NAV2: variants seen among roughly 807,000 people sequenced by gnomAD.
The protein encoded by NAV2 is neuron navigator 2.
Under a neutral mutation model 223.2 loss-of-function variants are expected in NAV2, and 54 were observed. That is an observed-to-expected ratio of 0.24 (90% CI 0.19 to 0.30). The LOEUF (loss-of-function observed/expected upper bound fraction) is 0.30, where lower values mean the gene tolerates loss of function less well. NAV2 is among the 10% of genes least tolerant of loss of function. The pLI is 1.00. For missense variants in NAV2, 2,806 were observed against 3,147.5 expected, an observed-to-expected ratio of 0.89 and a Z score of 2.60; for synonymous variants, 1,279 against 1,239.3, an observed-to-expected ratio of 1.03 and a Z score of -0.67.
intron 12 of NAV2, among the ~76,000 whole-genome samples, chr11:20,037,716 CCAAA>C (rs987206134): frequency 1.3e-5 from 2 of 152,198 alleles, no homozygotes; most frequent in Admixed American, 6.5e-5. Flanking sequence ...TGTACAAAAA[CCAAA>C]CAAACAAAAC....
At position 19,555,453 on chromosome 11, in the gene NAV2, G is replaced by T. The variant is rs552708953; in HGVS notation, c.75+204426G>T. 7.2e-5 allele frequency among the ~76,000 whole-genome samples: 11 copies of T among 152,204 alleles called. No homozygotes were observed. In the South Asian group the frequency reaches 8.3e-4, roughly 11 times the overall value. On this transcript the variant is annotated intron_variant, in intron 1 of 37. Transcript: ENST00000360655. Reference sequence around the variant, plus strand: ...AGCCAACACTCCCAGACCTGGGGGGGGCTCTGGGCAGCTCACCACAGCATC... The same window carrying T: ...AGCCAACACTCCCAGACCTGGGGGGTGCTCTGGGCAGCTCACCACAGCATC...
chr11:19,910,151 A>G (rs1443507591), intron 6 of NAV2, among the ~76,000 whole-genome samples: 1 of 152,230 alleles, frequency 6.6e-6, no homozygotes, highest in Non-Finnish European at 1.5e-5. Context: ...GTTCAGAGTG[A>G]TTAAATAACG....
intron 1 of NAV2, among the ~76,000 whole-genome samples, chr11:19,767,661 C>A (rs2055339619): frequency 6.6e-6 from 1 of 152,202 alleles, no homozygotes; most frequent in African/African-American, 2.4e-5. Flanking sequence ...CTCACATGGT[C>A]CCCACAGCAA....
Position 19,934,201 on chromosome 11 carries a change from G to A in NAV2, c.1957G>A (p.Val653Ile), listed in dbSNP as rs141668055. The change falls in exon 7 of 38, where the codon GTC (valine) becomes ATC (isoleucine). Residue 653 changes from valine (V) to isoleucine (I), a missense_variant. By Grantham distance (29) the Val-to-Ile change is conservative. Coordinates refer to ENST00000349880, the MANE Select transcript of NAV2 (RefSeq NM_145117.5). ...GTTQTTGSNT[V>I]SVQLPQPQQQ... ...CACCCAGACCACAGGAAGCAATACC[G>A]TCAGTGTTCAGCTACCTCAGCCCCA... is the stretch of plus-strand genomic sequence containing the variant. 2.1e-4 allele frequency: 338 copies of A among 1,613,556 alleles called. No homozygotes were observed. Among genetic ancestry groups the A allele is most frequent in the Non-Finnish European group, 2.5e-4 (296 of 1,179,888 alleles).
At chr11:20,098,671 A>T (rs2061438077) in intron 31 of NAV2, among the ~76,000 whole-genome samples, 1 of 152,252 alleles carries the variant, frequency 6.6e-6, no homozygotes, top group South Asian at 2.1e-4. Context: ...GCAGGTGGCA[A>T]GTGGTACATA....
chr11:19,821,926 C>T (rs182749235), intron 1 of NAV2, among the ~76,000 whole-genome samples: 2 of 152,250 alleles, frequency 1.3e-5, no homozygotes, highest in East Asian at 3.9e-4. Context: ...TCATTAGGAG[C>T]CAGTTATTGC....
At chr11:20,082,175 A>G (rs963068412) in intron 25 of NAV2, among the ~76,000 whole-genome samples, 3 of 152,206 alleles carry the variant, frequency 2.0e-5, no homozygotes, top group Non-Finnish European at 4.4e-5. Flanking sequence ...TTAAGGAGCT[A>G]TACAGCCATC....
intron 5 of NAV2, among the ~76,000 whole-genome samples, chr11:19,890,685 G>C (rs938841127): frequency 6.6e-6 from 1 of 152,230 alleles, no homozygotes; most frequent in African/African-American, 2.4e-5. Flanking sequence ...TCCATTGGAT[G>C]TGAGTAATCA....
At chr11:19,914,500 C>T (rs544455609) in intron 6 of NAV2, among the ~76,000 whole-genome samples, 5 of 151,942 alleles carry the variant, frequency 3.3e-5, no homozygotes, top group Non-Finnish European at 5.9e-5. Context: ...TATACGATTG[C>T]AATACAAACC....
At chr11:19,878,203 T>C (rs2062976989) in intron 4 of NAV2, among the ~76,000 whole-genome samples, 1 of 152,212 alleles carries the variant, frequency 6.6e-6, no homozygotes, top group Non-Finnish European at 1.5e-5. Flanking sequence ...CTGGCTTTCA[T>C]TCTCAGAAGC....
At chr11:20,054,059 G>A in intron 17 of NAV2, 21 bp from the exon 18 acceptor site, 2 of 1,609,820 alleles carry the variant, frequency 1.2e-6, no homozygotes, top group East Asian at 2.2e-5. Context: ...GTTAATTCCG[G>A]CTTGATTTCT....
At chr11:20,097,895 G>T in intron 31 of NAV2, 150 bp downstream of exon 31, 1 of 666,442 alleles carries the variant, frequency 1.5e-6, no homozygotes, top group Non-Finnish European at 2.4e-6. Flanking sequence ...TATGCAAGTT[G>T]AACCGTCTTT....
chr11:19,738,290 G>A (rs2052501427), intron 1 of NAV2, among the ~76,000 whole-genome samples: 1 of 152,190 alleles, frequency 6.6e-6, no homozygotes, highest in Non-Finnish European at 1.5e-5. Flanking sequence ...CATGGCAACA[G>A]CCCAGGCAGG....
intron 1 of NAV2, among the ~76,000 whole-genome samples, chr11:19,722,157 G>C (rs575257505): frequency 6.6e-6 from 1 of 152,160 alleles, no homozygotes; most frequent in Non-Finnish European, 1.5e-5. Context: ...TTCTGGTATA[G>C]TGTGAAAACT....
At chr11:19,418,439 T>A in intron 1 of NAV2, among the ~76,000 whole-genome samples, 1 of 152,222 alleles carries the variant, frequency 6.6e-6, no homozygotes, top group Non-Finnish European at 1.5e-5. Flanking sequence ...CACCTTGGGC[T>A]TGGATGAGTG....
intron 1 of NAV2, among the ~76,000 whole-genome samples, chr11:19,777,029 G>A (rs1245510718): frequency 6.6e-5 from 10 of 151,962 alleles, no homozygotes; most frequent in Admixed American, 3.9e-4. Flanking sequence ...GCCCACTGAA[G>A]CGCCGGGTGC....
intron 6 of NAV2, among the ~76,000 whole-genome samples, chr11:19,897,317 G>T (rs896111521): frequency 6.6e-6 from 1 of 152,134 alleles, no homozygotes; most frequent in East Asian, 1.9e-4. Flanking sequence ...CACCAACATG[G>T]CACGGGTATA....
chr11:20,039,052 C>T (rs1387237502), intron 12 of NAV2, among the ~76,000 whole-genome samples: 1 of 152,162 alleles, frequency 6.6e-6, no homozygotes, highest in Non-Finnish European at 1.5e-5. Flanking sequence ...CTCCTGTGCC[C>T]ACTGTTTCCT....
At chr11:19,884,715 G>T (rs748303283) in intron 5 of NAV2, among the ~76,000 whole-genome samples, 8 of 152,142 alleles carry the variant, frequency 5.3e-5, no homozygotes, top group Admixed American at 4.6e-4. Context: ...TGATGAGTTT[G>T]CTTCCTGCTT....
Sources: allele counts gnomAD v4.1 joint callset (sites outside exome capture counted in the v4.1 genomes callset), GRCh38; gene constraint gnomAD v4.1.1; transcripts MANE v1.5; gene names NCBI Gene and HGNC (gene_info 2026-07-23, HGNC 2026-07-21).